Variants in CAMK1D observed in about 807,000 individuals in gnomAD.
The protein encoded by CAMK1D is calcium/calmodulin dependent protein kinase ID.
Under a neutral mutation model 47.7 loss-of-function variants are expected in CAMK1D, and 9 were observed. The ratio of observed to expected loss-of-function variants is 0.19; its 90% CI spans 0.11 to 0.33. The LOEUF (loss-of-function observed/expected upper bound fraction) is 0.33, where lower values mean the gene tolerates loss of function less well. Among genes scored for constraint, CAMK1D ranks in the 10% least tolerant of loss-of-function variants. CAMK1D has a pLI of 1.00. For missense variants in CAMK1D, 291 were observed against 488.7 expected, an observed-to-expected ratio of 0.60 and a Z score of 3.81; for synonymous variants, 184 against 184.9, an observed-to-expected ratio of 0.99 and a Z score of 0.04.
intron 1 of CAMK1D, among the ~76,000 whole-genome samples, chr10:12,506,643 C>T (rs1042857290): frequency 7.2e-5 from 11 of 152,090 alleles, no homozygotes; most frequent in Admixed American, 6.5e-4. Flanking sequence ...CTCAGCCTCA[C>T]GAGTAGCTGG....
At chr10:12,478,882 G>A (rs1318891881) in intron 1 of CAMK1D, among the ~76,000 whole-genome samples, 1 of 152,194 alleles carries the variant, frequency 6.6e-6, no homozygotes, top group Non-Finnish European at 1.5e-5. Flanking sequence ...CTGCTGACAT[G>A]AATGATAATA....
intron 1 of CAMK1D, among the ~76,000 whole-genome samples, chr10:12,421,474 G>A (rs1235509086): frequency 1.5e-5 from 2 of 134,196 alleles, no homozygotes; most frequent in Non-Finnish European, 3.1e-5. Flanking sequence ...GTATTCCACT[G>A]TCTCCCTTGG....
intron 3 of CAMK1D, among the ~76,000 whole-genome samples, chr10:12,737,504 G>A (rs763004648): frequency 2.0e-5 from 3 of 151,938 alleles, no homozygotes; most frequent in African/African-American, 4.8e-5. Context: ...TCTTTCCTCC[G>A]AGCTTTGGAG....
intron 3 of CAMK1D, among the ~76,000 whole-genome samples, chr10:12,758,222 G>T (rs1836325956): frequency 6.6e-6 from 1 of 152,052 alleles, no homozygotes; most frequent in Non-Finnish European, 1.5e-5. Flanking sequence ...ATCACATTGG[G>T]AATTAAGTCT....
intron 3 of CAMK1D, among the ~76,000 whole-genome samples, chr10:12,747,980 G>A (rs187216361): frequency 6.6e-6 from 1 of 152,278 alleles, no homozygotes; most frequent in Admixed American, 6.5e-5. Flanking sequence ...CATCCAAAAA[G>A]CAGACACACT....
At chr10:12,428,796 G>A (rs1231621642) in intron 1 of CAMK1D, among the ~76,000 whole-genome samples, 2 of 152,140 alleles carry the variant, frequency 1.3e-5, no homozygotes, top group African/African-American at 4.8e-5. Context: ...GAGGTGATTA[G>A]GTCATAAAGG....
chr10:12,751,826 C>G (rs1024549802), intron 3 of CAMK1D, among the ~76,000 whole-genome samples: 1 of 152,174 alleles, frequency 6.6e-6, no homozygotes, highest in East Asian at 1.9e-4. Flanking sequence ...TGGGGCCATG[C>G]ACCTTTGTCA....
At chr10:12,524,908 C>T (rs1160261627) in intron 1 of CAMK1D, among the ~76,000 whole-genome samples, 1 of 152,180 alleles carries the variant, frequency 6.6e-6, no homozygotes, top group Non-Finnish European at 1.5e-5. Context: ...TTTTAGAGAA[C>T]ATTTTCTGCT....
chr10:12,493,887 G>A (rs1346782480), intron 1 of CAMK1D, among the ~76,000 whole-genome samples: 1 of 152,132 alleles, frequency 6.6e-6, no homozygotes, highest in East Asian at 1.9e-4. Context: ...GATTTCTGTT[G>A]GAAGCCTCTC....
chr10:12,828,565 T>A (rs1006380134), intron 10 of CAMK1D, among the ~76,000 whole-genome samples: 4 of 151,498 alleles, frequency 2.6e-5, no homozygotes, highest in African/African-American at 9.7e-5. Context: ...CGCTTGAACC[T>A]GGCAGGCAGA....
chr10:12,708,702 T>A (rs1487531897), intron 3 of CAMK1D, among the ~76,000 whole-genome samples: 5 of 152,216 alleles, frequency 3.3e-5, no homozygotes, highest in African/African-American at 4.8e-5. Flanking sequence ...CATGGCCTTT[T>A]GGACAGGTGG....
At chr10:12,548,447 CTTTTT>C (rs35061502) in intron 1 of CAMK1D, among the ~76,000 whole-genome samples, 222 of 81,200 alleles carry the variant, frequency 2.7e-3, no homozygotes, top group African/African-American at 0.01. Flanking sequence ...CCATTTTAAG[CTTTTT>C]TTTTTTTTTT....
At chr10:12,498,505 C>T (rs1381102190) in intron 1 of CAMK1D, among the ~76,000 whole-genome samples, 1 of 152,158 alleles carries the variant, frequency 6.6e-6, no homozygotes, top group African/African-American at 2.4e-5. Context: ...GGCTGAATCC[C>T]ATATCCACTG....
At chr10:12,728,851 G>T (rs1834769519) in intron 3 of CAMK1D, among the ~76,000 whole-genome samples, 1 of 152,192 alleles carries the variant, frequency 6.6e-6, no homozygotes, top group Non-Finnish European at 1.5e-5. Flanking sequence ...ACGTGCCTCT[G>T]CCGTTGCTCC....
At chr10:12,498,398 A>G (rs983259665) in intron 1 of CAMK1D, among the ~76,000 whole-genome samples, 4 of 152,226 alleles carry the variant, frequency 2.6e-5, no homozygotes, top group Non-Finnish European at 2.9e-5. Context: ...AGAACAAGGG[A>G]GAAGACTTCT....
At chr10:12,532,218 T>A (rs1395521607) in intron 1 of CAMK1D, among the ~76,000 whole-genome samples, 1 of 152,146 alleles carries the variant, frequency 6.6e-6, no homozygotes, top group Non-Finnish European at 1.5e-5. Flanking sequence ...TTTGTCTCCA[T>A]TCCTTTATTC....
Position 12,558,021 on chromosome 10 carries a change from A to G in CAMK1D, c.224+4665A>G, listed in dbSNP as rs553178932. Reference sequence around the variant, plus strand: ...CTCAGAGGGAAACATTCTGATAAACATGGAGGTAGGCTGTTGCTCTGCAGC... The same window carrying G: ...CTCAGAGGGAAACATTCTGATAAACGTGGAGGTAGGCTGTTGCTCTGCAGC... On this transcript the variant is annotated intron_variant, in intron 2 of 10. Coordinates refer to ENST00000619168, the MANE Select transcript of CAMK1D (RefSeq NM_153498.4). Among the ~76,000 whole-genome samples, 3 of 152,364 alleles carry G rather than the reference A, an allele frequency of 2.0e-5. No individual in the cohort carries two copies. The East Asian group carries it at 5.8e-4, about 29-fold the overall frequency.
At chr10:12,763,965 C>T (rs1456969498) in intron 4 of CAMK1D, among the ~76,000 whole-genome samples, 2 of 152,204 alleles carry the variant, frequency 1.3e-5, no homozygotes, top group African/African-American at 4.8e-5. Context: ...CCCCACAGCC[C>T]TCCTGTTGGG....
intron 1 of CAMK1D, among the ~76,000 whole-genome samples, chr10:12,468,752 G>A (rs959178285): frequency 6.6e-5 from 10 of 152,156 alleles, no homozygotes; most frequent in African/African-American, 2.2e-4. Flanking sequence ...GGGCTCTTAA[G>A]TCTGATCTGC....
Sources: gnomAD v4.1 joint callset for allele counts (sites outside exome capture counted in the v4.1 genomes callset) on GRCh38, gnomAD v4.1.1 for gene constraint, MANE v1.5 for transcripts, NCBI Gene and HGNC (gene_info 2026-07-23, HGNC 2026-07-21) for gene names.